Variants in ZFHX3 observed in about 807,000 individuals in gnomAD.
The protein encoded by ZFHX3 is zinc finger homeobox protein 3.
Under a neutral mutation model 279.1 loss-of-function variants are expected in ZFHX3, and 42 were observed. That is an observed-to-expected ratio of 0.15 (90% CI 0.12 to 0.19). The LOEUF (loss-of-function observed/expected upper bound fraction) is 0.19. ZFHX3 is among the 10% of genes least tolerant of loss of function. The pLI, the probability that ZFHX3 is intolerant of heterozygous loss-of-function variation, is 1.00. For synonymous variants in ZFHX3, 2,293 were observed against 1,957.8 expected, an observed-to-expected ratio of 1.17 and a Z score of -4.52; for missense variants, 4,981 against 4,754.0, an observed-to-expected ratio of 1.05 and a Z score of -1.40.
At chr16:73,681,077 C>A (rs978137524) in intron 1 of ZFHX3, among the ~76,000 whole-genome samples, 1 of 152,132 alleles carries the variant, frequency 6.6e-6, no homozygotes, top group Non-Finnish European at 1.5e-5. Flanking sequence ...GATGTCTGGT[C>A]TTGTGGGAGA....
intron 3 of ZFHX3, among the ~76,000 whole-genome samples, chr16:72,935,515 C>T (rs569262529): frequency 7.2e-5 from 11 of 152,168 alleles, no homozygotes; most frequent in East Asian, 5.8e-4. Flanking sequence ...CAGAGGCAGG[C>T]GGATCGCCCG....
At chr16:72,887,456 T>A (rs2038654861) in intron 4 of ZFHX3, among the ~76,000 whole-genome samples, 1 of 152,128 alleles carries the variant, frequency 6.6e-6, no homozygotes, top group African/African-American at 2.4e-5. Context: ...TGAATATTAA[T>A]ATAACCCCCA....
At chr16:73,608,967 C>G (rs2052218653) in intron 2 of ZFHX3, 2 of 152,136 alleles carry the variant, frequency 1.3e-5, no homozygotes, top group African/African-American at 4.8e-5. Flanking sequence ...TTTCTCCTCA[C>G]TATTTGTGGG....
chr16:72,817,620 T>A (rs2036652018), intron 5 of ZFHX3, among the ~76,000 whole-genome samples: 1 of 152,160 alleles, frequency 6.6e-6, no homozygotes, highest in African/African-American at 2.4e-5. Context: ...TGCAGACCAT[T>A]CTCCCTCTGG....
rs573334976 is a variant in ZFHX3 at position 73,230,360 on chromosome 16, G to T, written c.-1104+26687C>A. On this transcript the variant is annotated intron_variant, in intron 5 of 17. Coordinates refer to the ZFHX3 transcript ENST00000641206. ...TATTTTAAATAGTTTAACTGTTTTA[G>T]GAACGTATGGACTGGTGGCAGAAAA... 5.3e-5 allele frequency among the ~76,000 whole-genome samples: 8 copies of T among 152,254 alleles called. No individual in the cohort carries two copies. The South Asian group carries it at 1.5e-3, about 28-fold the overall frequency.
chr16:73,751,354 G>GA (rs1467034729), intron 1 of ZFHX3, among the ~76,000 whole-genome samples: 1 of 152,234 alleles, frequency 6.6e-6, no homozygotes, highest in East Asian at 1.9e-4. Flanking sequence ...GCCATGAGTA[G>GA]AAAAAACACA....
intron 3 of ZFHX3, among the ~76,000 whole-genome samples, chr16:73,326,395 T>G (rs1015824567): frequency 6.6e-6 from 1 of 152,156 alleles, no homozygotes; most frequent in Non-Finnish European, 1.5e-5. Flanking sequence ...CTCAGTGCAA[T>G]GCAGTGGGTG....
intron 2 of ZFHX3, among the ~76,000 whole-genome samples, chr16:73,457,076 T>C (rs1359637252): frequency 6.6e-6 from 1 of 152,194 alleles, no homozygotes; most frequent in Non-Finnish European, 1.5e-5. Context: ...ATATAGAGGG[T>C]AGCGGAGCCT....
intron 1 of ZFHX3, among the ~76,000 whole-genome samples, chr16:73,715,325 A>G (rs1324248149): frequency 1.3e-5 from 2 of 152,186 alleles, no homozygotes; most frequent in Non-Finnish European, 2.9e-5. Flanking sequence ...TAGTATGGCT[A>G]TGAACAGACC....
chr16:73,697,402 A>T (rs773522195), intron 1 of ZFHX3, among the ~76,000 whole-genome samples: 7 of 152,228 alleles, frequency 4.6e-5, no homozygotes, highest in Non-Finnish European at 8.8e-5. Context: ...AGACTGTTTC[A>T]TTTAGCACAT....
At chr16:73,763,077 T>A (rs751221981) in intron 1 of ZFHX3, among the ~76,000 whole-genome samples, 17 of 152,312 alleles carry the variant, frequency 1.1e-4, no homozygotes, top group Non-Finnish European at 2.2e-4. Flanking sequence ...TTAATCTCTT[T>A]ACCTTGTCTC....
intron 2 of ZFHX3, among the ~76,000 whole-genome samples, chr16:73,511,514 AC>A (rs2019428291): frequency 6.6e-6 from 1 of 152,244 alleles, no homozygotes; most frequent in Non-Finnish European, 1.5e-5. Flanking sequence ...TGAAATGTGC[AC>A]AGCCTTAGGA....
At chr16:73,317,049 A>C (rs1333601415) in intron 4 of ZFHX3, among the ~76,000 whole-genome samples, 1 of 152,158 alleles carries the variant, frequency 6.6e-6, no homozygotes, top group Non-Finnish European at 1.5e-5. Context: ...AGGAGACGTG[A>C]GATGGGCAGG....
chr16:72,943,472 C>G (rs1960512026), intron 3 of ZFHX3, among the ~76,000 whole-genome samples: 4 of 152,100 alleles, frequency 2.6e-5, no homozygotes, highest in Admixed American at 2.6e-4. Flanking sequence ...GCGGAGGTTG[C>G]AATGAGCTGA....
At chr16:73,240,102 A>G (rs1301515358) in intron 5 of ZFHX3, among the ~76,000 whole-genome samples, 2 of 152,116 alleles carry the variant, frequency 1.3e-5, no homozygotes, top group Admixed American at 6.5e-5. Context: ...CAATAACACT[A>G]TAATGCATAC....
At chr16:73,475,240 G>A (rs1322130130) in intron 2 of ZFHX3, among the ~76,000 whole-genome samples, 2 of 152,186 alleles carry the variant, frequency 1.3e-5, no homozygotes. Context: ...CCAATACACT[G>A]ACTTTACGAT....
chr16:73,040,440 C>G (rs1965068841), intron 1 of ZFHX3, among the ~76,000 whole-genome samples: 1 of 152,008 alleles, frequency 6.6e-6, no homozygotes, highest in African/African-American at 2.4e-5. Context: ...CAAGCCAGGA[C>G]AAGTCAGGCC....
intron 3 of ZFHX3, among the ~76,000 whole-genome samples, chr16:73,347,052 T>G (rs781235681): frequency 7.2e-5 from 11 of 152,212 alleles, no homozygotes; most frequent in Non-Finnish European, 1.0e-4. Context: ...CTGGAACTGC[T>G]AGGTGCCTGA....
intron 1 of ZFHX3, among the ~76,000 whole-genome samples, chr16:73,726,513 T>G (rs560290004): frequency 6.6e-6 from 1 of 152,304 alleles, no homozygotes; most frequent in South Asian, 2.1e-4. Flanking sequence ...AGTCCGTTCT[T>G]GCATCACCAT....
Sources: allele counts gnomAD v4.1 joint callset (sites outside exome capture counted in the v4.1 genomes callset), GRCh38; gene constraint gnomAD v4.1.1; transcripts MANE v1.5; gene names NCBI Gene and HGNC (gene_info 2026-07-23, HGNC 2026-07-21).